Variants in ARHGEF10L observed in about 807,000 individuals in gnomAD.
ARHGEF10L encodes the protein rho guanine nucleotide exchange factor 10-like protein.
In ARHGEF10L, 69 loss-of-function variants were observed where a neutral mutation model predicts 141.2. That is an observed-to-expected ratio of 0.49 (90% CI 0.40 to 0.60). ARHGEF10L has a LOEUF of 0.60. ARHGEF10L is among the 20% of genes least tolerant of loss of function. The pLI, the probability that ARHGEF10L is intolerant of heterozygous loss-of-function variation, is 0.00. For missense variants in ARHGEF10L, 1,482 were observed against 1,734.3 expected (o/e 0.85, Z 2.58); for synonymous variants, 711 against 718.5 (o/e 0.99, Z 0.17).
intron 2 of ARHGEF10L, among the ~76,000 whole-genome samples, chr1:17,586,892 TGA>T (rs2079066253): frequency 5.3e-5 from 8 of 152,132 alleles, no homozygotes; most frequent in African/African-American, 1.9e-4. Context: ...CCTAGCAAGC[TGA>T]CCTCCATGCT....
At chr1:17,664,745 G>T in intron 26 of ARHGEF10L, 150 bp downstream of exon 26, 3 of 1,036,664 alleles carry the variant, frequency 2.9e-6, no homozygotes, top group Non-Finnish European at 4.0e-6. Flanking sequence ...GGGGGCCCAA[G>T]GTCCCTATTG....
chr1:17,526,775 T>C, the ARHGEF10L span, among the ~76,000 whole-genome samples: 1 of 152,218 alleles, frequency 6.6e-6, no homozygotes, highest in Admixed American at 6.5e-5. Flanking sequence ...CATGGTGGTG[T>C]ATGCCTGTAG....
intron 15 of ARHGEF10L, among the ~76,000 whole-genome samples, chr1:17,628,335 G>GA (rs1245838589): frequency 2.6e-5 from 4 of 152,016 alleles, no homozygotes; most frequent in African/African-American, 9.7e-5. Flanking sequence ...GTCTCTAAAG[G>GA]AAAAAAACCA....
chr1:17,582,541 C>T (rs766965567), intron 2 of ARHGEF10L, among the ~76,000 whole-genome samples: 15 of 152,320 alleles, frequency 9.8e-5, no homozygotes, highest in African/African-American at 2.2e-4. Flanking sequence ...TTCATTCCTG[C>T]GCGTGTCTTC....
At chr1:17,649,759 G>A (rs2061806511) in intron 22 of ARHGEF10L, among the ~76,000 whole-genome samples, 1 of 152,216 alleles carries the variant, frequency 6.6e-6, no homozygotes, top group Admixed American at 6.5e-5. Flanking sequence ...GTGGGCTGAG[G>A]TTCAGAGATG....
chr1:17,637,907 C>T lies in ARHGEF10L; in HGVS notation c.1947C>T (p.Pro649=), dbSNP rs2061104551. 1 of 1,593,844 alleles carries T rather than the reference C, an allele frequency of 6.3e-7. No individual in the cohort carries two copies. Among genetic ancestry groups the T allele is most frequent in the South Asian group, 1.1e-5 (1 of 87,300 alleles). The change falls in exon 19 of 29, where the codon CCC becomes CCT. Residue 649 remains proline (P), a synonymous_variant. Coordinates refer to ENST00000361221, the MANE Select transcript of ARHGEF10L (RefSeq NM_018125.4). ...GQAQNKVYLG[P]PRLFQELQDL... ...GCCCAGATAAGGTGTACCTCGGCCCCCCACGCCTCTTCCAGGAGCTGCAGG... is the reference window on the plus strand; with the variant it reads ...GCCCAGATAAGGTGTACCTCGGCCCTCCACGCCTCTTCCAGGAGCTGCAGG...
intron 22 of ARHGEF10L, among the ~76,000 whole-genome samples, chr1:17,649,107 G>C (rs1416542126): frequency 2.0e-5 from 3 of 152,224 alleles, no homozygotes; most frequent in African/African-American, 7.2e-5. Flanking sequence ...AGCACCTGCT[G>C]TGCCCCCTGG....
chr1:17,598,828 T>C (rs1348701450), intron 4 of ARHGEF10L, among the ~76,000 whole-genome samples: 3 of 152,020 alleles, frequency 2.0e-5, no homozygotes, highest in Non-Finnish European at 2.9e-5. Flanking sequence ...GGTAACCATA[T>C]GCCACAGCAA....
At chr1:17,564,187 G>A (rs895595015) in intron 1 of ARHGEF10L, among the ~76,000 whole-genome samples, 4 of 152,198 alleles carry the variant, frequency 2.6e-5, no homozygotes, top group African/African-American at 9.6e-5. Flanking sequence ...CCCTGCCTGG[G>A]TGCATCTCCA....
At position 17,616,026 on chromosome 1, in the gene ARHGEF10L, C is replaced by T. The variant is rs551142513; in HGVS notation, c.727-68C>T. The stretch of plus-strand genomic sequence containing the variant: ...CTCTGCAGGCCGAGGCCTGGGGAGG[C>T]GGGTGGCCCTCGGTAGCAGGCATCC... On this transcript the variant is annotated intron_variant, in intron 8 of 28. Coordinates refer to ENST00000361221, the MANE Select transcript of ARHGEF10L (RefSeq NM_018125.4). 87 of 1,347,478 alleles carry T rather than the reference C, an allele frequency of 6.5e-5. No homozygotes were observed. In the Middle Eastern group the frequency reaches 9.1e-4, roughly 14 times the overall value. 83.5% of individuals were successfully genotyped at this position (1,347,478 alleles called of 1,614,324 possible).
intron 26 of ARHGEF10L, among the ~76,000 whole-genome samples, chr1:17,671,740 C>T (rs780020940): frequency 2.6e-5 from 4 of 152,198 alleles, no homozygotes; most frequent in African/African-American, 4.8e-5. Flanking sequence ...CTCCTACATA[C>T]ACCACAGCTA....
chr1:17,557,238 G>T (rs2077365082), intron 1 of ARHGEF10L, among the ~76,000 whole-genome samples: 1 of 151,706 alleles, frequency 6.6e-6, no homozygotes, highest in Non-Finnish European at 1.5e-5. Context: ...AGCTACTCAG[G>T]AGGCTGAGGC....
intron 6 of ARHGEF10L, among the ~76,000 whole-genome samples, chr1:17,604,136 G>A (rs1406043892): frequency 6.6e-6 from 1 of 151,974 alleles, no homozygotes; most frequent in Non-Finnish European, 1.5e-5. Context: ...GGACACGTTA[G>A]GCCAAGCATA....
intron 4 of ARHGEF10L, among the ~76,000 whole-genome samples, chr1:17,594,543 T>A (rs1442861465): frequency 1.3e-5 from 2 of 152,190 alleles, no homozygotes; most frequent in Non-Finnish European, 2.9e-5. Context: ...AGTGGCGTGA[T>A]CTTGGCTCAC....
chr1:17,586,783 G>A (rs949336886), intron 2 of ARHGEF10L, among the ~76,000 whole-genome samples: 1 of 152,076 alleles, frequency 6.6e-6, no homozygotes, highest in South Asian at 2.1e-4. Flanking sequence ...GGTAGGCGGG[G>A]ACAGTCTCTC....
rs2060349777 is a variant in ARHGEF10L at position 17,625,815 on chromosome 1, C to T, written c.1318-141C>T. On this transcript the variant is annotated intron_variant, in intron 13 of 28. Transcript: ENST00000361221. The surrounding 1 kb of genome is among the most constrained non-coding windows in gnomAD (Gnocchi z 4.5). Reference sequence around the variant, plus strand: ...TGGCTGCAGAACCACGGACCTCTCTCAGCTCTTCTTGCAAGCCCAGGGATA... The same window carrying T: ...TGGCTGCAGAACCACGGACCTCTCTTAGCTCTTCTTGCAAGCCCAGGGATA... 1 of 711,590 alleles carries T rather than the reference C, an allele frequency of 1.4e-6. No homozygotes were observed. Among genetic ancestry groups the T allele is most frequent in the Non-Finnish European group, 2.4e-6 (1 of 419,498 alleles). The allele number at this position is 711,590 out of a possible 1,614,324, so 44.1% of individuals were successfully genotyped here.
chr1:17,650,427 A>G (rs1188544876), intron 22 of ARHGEF10L, among the ~76,000 whole-genome samples: 3 of 151,818 alleles, frequency 2.0e-5, no homozygotes, highest in Non-Finnish European at 4.4e-5. Flanking sequence ...TAAATAAGTA[A>G]ATAATACAAA....
At chr1:17,622,475 C>T (rs1204895674) in intron 11 of ARHGEF10L, among the ~76,000 whole-genome samples, 6 of 152,070 alleles carry the variant, frequency 3.9e-5, no homozygotes, top group Admixed American at 2.6e-4. Flanking sequence ...CTTTTCCGGG[C>T]GGTTGTGGGC....
At chr1:17,686,072 TG>T (rs765524792) in intron 26 of ARHGEF10L, among the ~76,000 whole-genome samples, 2 of 145,836 alleles carry the variant, frequency 1.4e-5, no homozygotes, top group Non-Finnish European at 3.0e-5. Flanking sequence ...TGTTTTGTTT[TG>T]TTTTTTTTCT....
Sources: gnomAD v4.1 joint callset for allele counts (sites outside exome capture counted in the v4.1 genomes callset) on GRCh38, gnomAD v4.1.1 for gene constraint, Gnocchi (gnomAD v3.1) non-coding constraint, MANE v1.5 for transcripts, NCBI Gene and HGNC (gene_info 2026-07-23, HGNC 2026-07-21) for gene names.